Variants in PDCD10 observed in about 807,000 individuals in gnomAD.
The protein encoded by PDCD10 is programmed cell death protein 10.
A neutral mutation model predicts 29.2 loss-of-function variants in PDCD10; 4 were observed. The observed-to-expected ratio is 0.14, with a 90% CI of 0.07 to 0.31. The LOEUF (loss-of-function observed/expected upper bound fraction) is 0.31, where lower values mean the gene tolerates loss of function less well. Ranked by LOEUF, PDCD10 falls within the 10% of genes least tolerant of loss-of-function variation. PDCD10 has a pLI of 1.00. For missense variants in PDCD10, 183 were observed against 257.9 expected, an observed-to-expected ratio of 0.71 and a Z score of 1.99; for synonymous variants, 70 against 82.2, an observed-to-expected ratio of 0.85 and a Z score of 0.80.
chr3:167,723,557 A>G (rs1220190403), intron 2 of PDCD10, among the ~76,000 whole-genome samples: 1 of 152,224 alleles, frequency 6.6e-6, no homozygotes, highest in Non-Finnish European at 1.5e-5. Flanking sequence ...CGAAGTACAA[A>G]AAGGATGTAG....
chr3:167,732,810 C>A (rs1724953671), intron 2 of PDCD10, among the ~76,000 whole-genome samples: 1 of 152,196 alleles, frequency 6.6e-6, no homozygotes, highest in Non-Finnish European at 1.5e-5. Context: ...ATCTAGAAAA[C>A]AGATTAATAT....
rs761830509 is a variant in PDCD10, at chr3:167,683,463, T to C, written c.*845A>G. 3 of 152,058 alleles carry C rather than the reference T, an allele frequency of 2.0e-5. No individual in the cohort carries two copies. The highest frequency in any genetic ancestry group is 1.5e-5 in the Non-Finnish European group (1 of 67,916). The allele number at this position is 152,058 out of a possible 1,614,324, so 9.4% of individuals were successfully genotyped here. On this transcript the variant is annotated 3_prime_UTR_variant, in exon 9 of 9. Transcript: ENST00000392750. ...GACAATTTCAATCCAACCGTTGATA[T>C]AGCTTCAAATTACTATTAATTGTGG... is the stretch of plus-strand genomic sequence containing the variant.
chr3:167,722,234 T>C (rs942806062), intron 2 of PDCD10, among the ~76,000 whole-genome samples: 2 of 152,116 alleles, frequency 1.3e-5, no homozygotes, highest in African/African-American at 4.8e-5. Flanking sequence ...AGAGCTCTCA[T>C]TGTGTGACAG....
chr3:167,685,771 T>C (rs1719553282), intron 8 of PDCD10, among the ~76,000 whole-genome samples: 1 of 152,202 alleles, frequency 6.6e-6, no homozygotes, highest in Admixed American at 6.5e-5. Flanking sequence ...TTTGGTTATT[T>C]GAGCTTAGCA....
intron 2 of PDCD10, among the ~76,000 whole-genome samples, chr3:167,728,456 A>G (rs1232210419): frequency 6.6e-6 from 1 of 152,206 alleles, no homozygotes; most frequent in East Asian, 1.9e-4. Context: ...TCTCAGTTGA[A>G]TTCCAGTCTA....
intron 3 of PDCD10, among the ~76,000 whole-genome samples, chr3:167,719,668 CTATT>C (rs1424757606): frequency 3.9e-5 from 6 of 152,160 alleles, no homozygotes; most frequent in African/African-American, 1.2e-4. Context: ...TCAATTAACT[CTATT>C]TATCTCTTTT....
intron 3 of PDCD10, among the ~76,000 whole-genome samples, chr3:167,717,845 G>A (rs1723172373): frequency 6.6e-6 from 1 of 152,000 alleles, no homozygotes; most frequent in South Asian, 2.1e-4. Context: ...TGTTTGATCA[G>A]TAAATTCAAT....
chr3:167,707,018 A>AT (rs1179381930), intron 3 of PDCD10, among the ~76,000 whole-genome samples: 1 of 152,174 alleles, frequency 6.6e-6, no homozygotes, highest in Non-Finnish European at 1.5e-5. Context: ...CTGTCACTGA[A>AT]TATCTTCAAC....
rs1302808523 is a variant in PDCD10, at chr3:167,700,043, A to G, written c.151-2917T>C. Among the ~76,000 whole-genome samples the G allele has an allele frequency of 2.0e-5, 3 of 152,234 alleles. No homozygotes were observed. The East Asian group carries it at 5.8e-4, about 29-fold the overall frequency. On this transcript the variant is annotated intron_variant, in intron 4 of 8. Transcript: ENST00000392750. The stretch of plus-strand genomic sequence containing the variant: ...AAAATTTATCAAAACTCACACGCAA[A>G]CAGACTGTACATGGTGTTATTTGCA...
intron 3 of PDCD10, among the ~76,000 whole-genome samples, chr3:167,713,824 C>T (rs1343689785): frequency 1.3e-5 from 2 of 151,876 alleles, no homozygotes; most frequent in Non-Finnish European, 2.9e-5. Context: ...AATTCCCAGA[C>T]ATATACCACT....
intron 3 of PDCD10, among the ~76,000 whole-genome samples, chr3:167,708,442 C>G (rs1175800725): frequency 6.6e-6 from 1 of 152,148 alleles, no homozygotes; most frequent in Non-Finnish European, 1.5e-5. Context: ...TCCTCAAAAT[C>G]AGGCAAGATT....
chr3:167,725,022 C>T (rs1290918563), intron 2 of PDCD10, among the ~76,000 whole-genome samples: 3 of 152,052 alleles, frequency 2.0e-5, no homozygotes, highest in African/African-American at 7.2e-5. Flanking sequence ...TTTGGGAGGC[C>T]AAGGCAGGTG....
chr3:167,696,978 A>G (rs1720882072), intron 5 of PDCD10, 31 bp downstream of exon 5: 2 of 1,073,166 alleles, frequency 1.9e-6, no homozygotes, highest in African/African-American at 1.5e-5. Context: ...TAACAATTGT[A>G]TAACTTAAAC....
At chr3:167,732,341 T>C (rs993245112) in intron 2 of PDCD10, among the ~76,000 whole-genome samples, 2 of 152,160 alleles carry the variant, frequency 1.3e-5, no homozygotes, top group African/African-American at 2.4e-5. Context: ...CAGACAGATG[T>C]ATAATATACG....
At chr3:167,712,205 A>G (rs1722589966) in intron 3 of PDCD10, among the ~76,000 whole-genome samples, 1 of 152,152 alleles carries the variant, frequency 6.6e-6, no homozygotes, top group Non-Finnish European at 1.5e-5. Context: ...ACAACTTTTC[A>G]AGACAAACCG....
chr3:167,721,875 G>A (rs1577368321), intron 2 of PDCD10, among the ~76,000 whole-genome samples: 1 of 152,258 alleles, frequency 6.6e-6, no homozygotes, highest in East Asian at 1.9e-4. Flanking sequence ...GGAGAGAATG[G>A]AGGAAGAATA....
intron 4 of PDCD10, among the ~76,000 whole-genome samples, chr3:167,700,633 T>C (rs968795179): frequency 5.9e-5 from 9 of 152,306 alleles, no homozygotes; most frequent in African/African-American, 1.9e-4. Flanking sequence ...AAGAAAGGCA[T>C]ACCTATAGAC....
In PDCD10 at chr3:167,704,836, C is replaced by A. The variant is rs1199018139; in HGVS notation, c.150+6G>T. 3.8e-6 allele frequency: 6 copies of A among 1,577,212 alleles called. No individual in the cohort carries two copies. Among genetic ancestry groups the A allele is most frequent in the Non-Finnish European group, 5.2e-6 (6 of 1,146,612 alleles). On this transcript the variant is annotated splice_donor_region_variant and intron_variant, in intron 4 of 8. Coordinates refer to ENST00000392750, the MANE Select transcript of PDCD10 (RefSeq NM_007217.4). ...TAATAATCATAGTAAATTATTTGCA[C>A]CTCACCTTGATGAAAGCGGCTCTCA...
In PDCD10 at chr3:167,696,922, GGAAGA is replaced by G. The variant is rs1559953679; in HGVS notation, c.268+82_268+86del. The G allele has an allele frequency of 7.5e-6, 6 of 800,718 alleles. No homozygotes were observed. The Admixed American group carries it at 8.5e-5, about 11-fold the overall frequency. 49.6% of individuals were successfully genotyped at this position (800,718 alleles called of 1,614,324 possible). On this transcript the variant is annotated intron_variant, in intron 5 of 8. Transcript: ENST00000392750. ...GGGAGGGAGGGAAAACAGTAGGGAA[GGAAGA>G]TCCTTTGGTCAAATAATAATGATTT...
Sources: gnomAD v4.1 joint callset for allele counts (sites outside exome capture counted in the v4.1 genomes callset) on GRCh38, gnomAD v4.1.1 for gene constraint, MANE v1.5 for transcripts, NCBI Gene and HGNC (gene_info 2026-07-23, HGNC 2026-07-21) for gene names.